SRPK2: variants seen among roughly 807,000 people sequenced by gnomAD.
SRPK2 encodes the protein SFRS protein kinase 2.
A neutral mutation model predicts 90.8 loss-of-function variants in SRPK2; 21 were observed. That is an observed-to-expected ratio of 0.23 (90% CI 0.16 to 0.33). The LOEUF (loss-of-function observed/expected upper bound fraction) is 0.33, where lower values mean the gene tolerates loss of function less well. Ranked by LOEUF, SRPK2 falls within the 10% of genes least tolerant of loss-of-function variation. The probability of loss-of-function intolerance (pLI) is 1.00; values close to 1 mark genes in which losing one functional copy is unlikely to be tolerated. For missense variants in SRPK2, 620 were observed against 869.0 expected, an observed-to-expected ratio of 0.71 and a Z score of 3.60; for synonymous variants, 288 against 311.1, an observed-to-expected ratio of 0.93 and a Z score of 0.78.
At chr7:105,341,370 AAAAAAAAAAAAGG>A (rs1554515944) in intron 2 of SRPK2, among the ~76,000 whole-genome samples, 1 of 50,732 alleles carries the variant, frequency 2.0e-5, no homozygotes. Context: ...AAAAAAAAAA[AAAAAAAAAAAAGG>A]GGGAATGTGG....
At chr7:105,361,378 T>C (rs550244680) in intron 2 of SRPK2, among the ~76,000 whole-genome samples, 1 of 152,266 alleles carries the variant, frequency 6.6e-6, no homozygotes, top group Non-Finnish European at 1.5e-5. Context: ...AGAATCAATA[T>C]CGTGAAAATG....
chr7:105,184,053 G>A (rs1228065821), intron 3 of SRPK2, among the ~76,000 whole-genome samples: 1 of 133,818 alleles, frequency 7.5e-6, no homozygotes, highest in Non-Finnish European at 1.5e-5. Flanking sequence ...CCAGCTCACT[G>A]CAACCTCCGC....
At chr7:105,314,311 G>A (rs894525505) in intron 2 of SRPK2, among the ~76,000 whole-genome samples, 5 of 151,976 alleles carry the variant, frequency 3.3e-5, no homozygotes, top group South Asian at 2.1e-4. Flanking sequence ...CAGCCTGGAC[G>A]ACAGAGTAAG....
chr7:105,129,909 T>G (rs1158122913), intron 13 of SRPK2, among the ~76,000 whole-genome samples: 1 of 152,154 alleles, frequency 6.6e-6, no homozygotes, highest in Non-Finnish European at 1.5e-5. Flanking sequence ...TGAAGTTTGT[T>G]GGAATGGCTT....
intron 2 of SRPK2, among the ~76,000 whole-genome samples, chr7:105,343,211 T>C (rs1403751084): frequency 2.0e-5 from 3 of 152,130 alleles, no homozygotes; most frequent in East Asian, 1.9e-4. Flanking sequence ...GGTGGGATGA[T>C]TGCTTGAGTC....
intron 13 of SRPK2, among the ~76,000 whole-genome samples, 159 bp downstream of exon 13, chr7:105,132,632 G>A (rs1802176460): frequency 6.6e-6 from 1 of 152,136 alleles, no homozygotes; most frequent in Non-Finnish European, 1.5e-5. Context: ...CACTTCTTAA[G>A]ATGCCTGCGG....
intron 2 of SRPK2, among the ~76,000 whole-genome samples, chr7:105,374,599 T>C (rs1820075447): frequency 6.6e-6 from 1 of 152,218 alleles, no homozygotes; most frequent in Non-Finnish European, 1.5e-5. Context: ...TTTAAAGACA[T>C]GAAAAATATA....
intron 2 of SRPK2, among the ~76,000 whole-genome samples, chr7:105,329,345 AAAG>A (rs1252695480): frequency 6.6e-6 from 1 of 152,206 alleles, no homozygotes; most frequent in African/African-American, 2.4e-5. Flanking sequence ...GTGGGTATTA[AAAG>A]AAGATGAAGA....
chr7:105,301,422 C>A, intron 2 of SRPK2: 3 of 684,042 alleles, frequency 4.4e-6, no homozygotes, highest in South Asian at 3.3e-5. Flanking sequence ...ACAACCAAGG[C>A]GCCAAAGGGG....
intron 2 of SRPK2, among the ~76,000 whole-genome samples, chr7:105,370,272 T>C (rs1281212506): frequency 6.6e-6 from 1 of 152,140 alleles, no homozygotes; most frequent in Non-Finnish European, 1.5e-5. Context: ...GCTTACAGTC[T>C]TTCCTTACCC....
chr7:105,396,300 TTGAGTCCAGCC>T (rs1822319911), intron 1 of SRPK2, among the ~76,000 whole-genome samples: 1 of 152,002 alleles, frequency 6.6e-6, no homozygotes, highest in African/African-American at 2.4e-5. Flanking sequence ...ACTCCAGTAG[TTGAGTCCAGCC>T]TGAACAATGA....
At chr7:105,388,953 G>A (rs1487164759), upstream of SRPK2, 3 of 1,153,992 alleles carry the variant, frequency 2.6e-6, no homozygotes, top group East Asian at 4.1e-5. Context: ...CTCCAGCAGG[G>A]ACCCAGCAAG....
chr7:105,211,882 C>G (rs1300935776), intron 2 of SRPK2, among the ~76,000 whole-genome samples: 2 of 152,196 alleles, frequency 1.3e-5, no homozygotes, highest in African/African-American at 4.8e-5. Context: ...GTAAGTAAAT[C>G]AGACCTGCTT....
chr7:105,183,172 ATCTT>A (rs1344774362), intron 3 of SRPK2, among the ~76,000 whole-genome samples: 4 of 152,188 alleles, frequency 2.6e-5, no homozygotes, highest in Non-Finnish European at 4.4e-5. Flanking sequence ...ATGACTAATC[ATCTT>A]TTTTTGTCAT....
At chr7:105,275,475 T>G (rs1354326479) in intron 2 of SRPK2, among the ~76,000 whole-genome samples, 1 of 152,150 alleles carries the variant, frequency 6.6e-6, no homozygotes, top group African/African-American at 2.4e-5. Context: ...ATCTTCCTCA[T>G]AACTCTTTTA....
At chr7:105,262,627 T>C (rs1804461720) in intron 2 of SRPK2, among the ~76,000 whole-genome samples, 1 of 152,186 alleles carries the variant, frequency 6.6e-6, no homozygotes, top group Non-Finnish European at 1.5e-5. Flanking sequence ...GTTACAAGAC[T>C]ATAATCAGTG....
chr7:105,254,737 T>C lies in SRPK2; in HGVS notation c.72-50952A>G, dbSNP rs1209757558. On this transcript the variant is annotated intron_variant, in intron 2 of 15. Coordinates refer to ENST00000393651, the MANE Select transcript of SRPK2 (RefSeq NM_182692.3). ...CAGAGTCTCGCCCCGTCACCCAGGCTGGAGTGCAGTGGTGTGGTCTTGGCT... is the reference window on the plus strand; with the variant it reads ...CAGAGTCTCGCCCCGTCACCCAGGCCGGAGTGCAGTGGTGTGGTCTTGGCT... Among the ~76,000 whole-genome samples, 4 of 152,114 alleles carry C rather than the reference T, an allele frequency of 2.6e-5. No individual in the cohort carries two copies. The East Asian group carries it at 5.8e-4, about 22-fold the overall frequency.
intron 2 of SRPK2, among the ~76,000 whole-genome samples, chr7:105,353,351 T>G (rs532064062): frequency 4.7e-5 from 7 of 150,320 alleles, no homozygotes; most frequent in South Asian, 2.1e-4. Flanking sequence ...TTTTTTTGTG[T>G]TTTTTTTTGA....
At chr7:105,258,069 A>C (rs1190284163) in intron 2 of SRPK2, among the ~76,000 whole-genome samples, 2 of 151,336 alleles carry the variant, frequency 1.3e-5, no homozygotes, top group Non-Finnish European at 1.5e-5. Context: ...GTGCCACTGC[A>C]CTCCATCCTG....
Sources: gnomAD v4.1 joint callset for allele counts (sites outside exome capture counted in the v4.1 genomes callset) on GRCh38, gnomAD v4.1.1 for gene constraint, MANE v1.5 for transcripts, NCBI Gene and HGNC (gene_info 2026-07-23, HGNC 2026-07-21) for gene names.